Variants in ALK observed in about 807,000 individuals in gnomAD.
ALK encodes ALK tyrosine kinase receptor.
Under a neutral mutation model 163.1 loss-of-function variants are expected in ALK, and 74 were observed. The ratio of observed to expected loss-of-function variants is 0.45; its 90% confidence interval spans 0.38 to 0.55. The LOEUF (loss-of-function observed/expected upper bound fraction) is 0.55, where lower values mean the gene tolerates loss of function less well. Among genes scored for constraint, ALK ranks in the 20% least tolerant of loss-of-function variants. ALK has a pLI of 0.00. For synonymous variants in ALK, 960 were observed against 843.2 expected (o/e 1.14, Z -2.40); for missense variants, 2,063 against 2,105.3 (o/e 0.98, Z 0.39).
rs578164325 is a variant in ALK at position 29,235,230 on chromosome 2, T to G, written c.2356-1534A>C. 3.3e-5 allele frequency among the ~76,000 whole-genome samples: 5 copies of G among 152,326 alleles called. No homozygotes were observed. The South Asian group carries it at 1.0e-3, about 32-fold the overall frequency. On this transcript the variant is annotated intron_variant, in intron 13 of 28. Transcript: ENST00000389048. Reference sequence around the variant, plus strand: ...ACATCAGCCTGACCTTGGAGGAAAGTGACTTTTCTTTCACTTAATAGAAAA... The same window carrying G: ...ACATCAGCCTGACCTTGGAGGAAAGGGACTTTTCTTTCACTTAATAGAAAA...
chr2:29,511,284 C>T (rs1457964811), intron 4 of ALK, among the ~76,000 whole-genome samples: 1 of 152,060 alleles, frequency 6.6e-6, no homozygotes, highest in Non-Finnish European at 1.5e-5. Flanking sequence ...TGTCCCTTTG[C>T]AGTCAATCCT....
At position 29,239,733 on chromosome 2, in the gene ALK, C is replaced by T. The variant is rs766666105; in HGVS notation, c.2302G>A (p.Asp768Asn). 26 of 1,614,008 alleles carry T rather than the reference C, an allele frequency of 1.6e-5. No homozygotes were observed. Among genetic ancestry groups the T allele is most frequent in the Non-Finnish European group, 2.1e-5 (25 of 1,180,052 alleles). Reference protein sequence around the residue: ...SVLGIFNLEKDDMLYILVGQQ... With the variant: ...SVLGIFNLEKNDMLYILVGQQ... ...CCAACCAGGATGTACAGCATGTCATCCTTCTCCAGGTTGAAGATGCCCAGC... is the reference window on the plus strand; with the variant it reads ...CCAACCAGGATGTACAGCATGTCATTCTTCTCCAGGTTGAAGATGCCCAGC... The change falls in exon 13 of 29, where the codon GAT becomes AAT. Residue 768 changes from aspartate to asparagine, a missense_variant. Asp to Asn is a conservative substitution (Grantham distance 23, BLOSUM62 1). This residue lies in a region of ALK where 575 missense variants were observed against 626.6 expected (regional missense o/e 0.92). Transcript: ENST00000389048.
chr2:29,323,870 A>G (rs1667154569), intron 6 of ALK, among the ~76,000 whole-genome samples: 1 of 152,200 alleles, frequency 6.6e-6, no homozygotes, highest in East Asian at 1.9e-4. Flanking sequence ...GGAAGACTTC[A>G]AAACTTATTT....
At chr2:29,210,197 T>TCTAA (rs112002454) in intron 24 of ALK, among the ~76,000 whole-genome samples, 6,171 of 152,254 alleles carry the variant, frequency 0.041, 361 homozygotes, top group African/African-American at 0.13. Context: ...GTGCTTCATA[T>TCTAA]CTAACTCTCA....
intron 28 of ALK, 96 bp from the exon 29 acceptor site, chr2:29,194,018 C>A: frequency 8.2e-7 from 1 of 1,217,474 alleles, no homozygotes; most frequent in Non-Finnish European, 1.2e-6. Context: ...ACATATTCTA[C>A]AGATGAGGAA....
At chr2:29,895,903 T>C (rs1262913573) in intron 1 of ALK, among the ~76,000 whole-genome samples, 1 of 152,192 alleles carries the variant, frequency 6.6e-6, no homozygotes, top group Non-Finnish European at 1.5e-5. Context: ...CTACAGGTTA[T>C]GGGTCTGTGT....
intron 4 of ALK, among the ~76,000 whole-genome samples, chr2:29,439,322 T>A (rs1276471224): frequency 6.6e-6 from 1 of 152,196 alleles, no homozygotes; most frequent in East Asian, 1.9e-4. Context: ...AACGTGGGTA[T>A]AAACTCCTTA....
intron 4 of ALK, among the ~76,000 whole-genome samples, chr2:29,438,459 A>G (rs1163222726): frequency 6.6e-6 from 1 of 152,254 alleles, no homozygotes; most frequent in African/African-American, 2.4e-5. Flanking sequence ...ACCATGACAT[A>G]GGAAAAACCT....
intron 1 of ALK, among the ~76,000 whole-genome samples, chr2:29,914,928 T>C (rs1005986075): frequency 1.3e-5 from 2 of 152,258 alleles, no homozygotes; most frequent in Admixed American, 6.5e-5. Flanking sequence ...TGGAAAAATA[T>C]GGTCTGGATT....
Position 29,418,970 on chromosome 2 carries a change from T to G in ALK, c.1155-35111A>C, listed in dbSNP as rs956794546. The stretch of plus-strand genomic sequence containing the variant: ...GGGCTTTATAAGTGAGAGGGTATGG[T>G]AGAAATATAAAAAATACATAGTCTG... On this transcript the variant is annotated intron_variant, in intron 4 of 28. Coordinates refer to ENST00000389048, the MANE Select transcript of ALK (RefSeq NM_004304.5). Among the ~76,000 whole-genome samples, 7 of 151,582 alleles carry G rather than the reference T, an allele frequency of 4.6e-5. 1 individual carries two copies. The highest frequency in any genetic ancestry group is 1.7e-4 in the African/African-American group (7 of 40,870).
At chr2:29,253,883 GATAGATAGA>G (rs1558639937) in intron 11 of ALK, among the ~76,000 whole-genome samples, 2,758 of 148,422 alleles carry the variant, frequency 0.019, 90 homozygotes, top group African/African-American at 0.069. Context: ...TAGATAGATA[GATAGATAGA>G]TAGGTAGATA....
At chr2:29,848,564 T>C (rs901977330) in intron 1 of ALK, among the ~76,000 whole-genome samples, 1 of 152,244 alleles carries the variant, frequency 6.6e-6, no homozygotes, top group African/African-American at 2.4e-5. Flanking sequence ...AAAACCTTAA[T>C]AAATGTTAAT....
intron 4 of ALK, among the ~76,000 whole-genome samples, chr2:29,477,009 C>T (rs532813621): frequency 2.6e-5 from 4 of 152,086 alleles, no homozygotes; most frequent in South Asian, 2.1e-4. Context: ...AGAGTTGATG[C>T]GAAGGGGTGG....
chr2:29,524,757 A>G (rs1573428099), intron 4 of ALK, among the ~76,000 whole-genome samples: 1 of 152,120 alleles, frequency 6.6e-6, no homozygotes, highest in African/African-American at 2.4e-5. Flanking sequence ...GGATGGGTGG[A>G]TGGATGGATC....
At chr2:29,230,785 G>A (rs1319932597) in intron 15 of ALK, among the ~76,000 whole-genome samples, 1 of 152,208 alleles carries the variant, frequency 6.6e-6, no homozygotes, top group Admixed American at 6.5e-5. Context: ...TGTCAAGGCT[G>A]TTGTCATGTG....
chr2:29,567,919 C>G (rs1348161128), intron 3 of ALK, among the ~76,000 whole-genome samples: 1 of 152,166 alleles, frequency 6.6e-6, no homozygotes, highest in Non-Finnish European at 1.5e-5. Flanking sequence ...CTTGTGCCAT[C>G]TCTTGGAGGA....
chr2:29,218,771 T>C (rs1669706871), intron 23 of ALK, among the ~76,000 whole-genome samples: 1 of 152,242 alleles, frequency 6.6e-6, no homozygotes, highest in African/African-American at 2.4e-5. Context: ...TCCCAAAGTG[T>C]GATGCCACGT....
chr2:29,312,746 C>T (rs867875657), intron 8 of ALK, among the ~76,000 whole-genome samples: 15 of 152,168 alleles, frequency 9.9e-5, no homozygotes, highest in African/African-American at 3.1e-4. Context: ...CAGGAAGAGG[C>T]GTGTGCAGAG....
At chr2:29,242,175 C>T (rs1399658861) in intron 12 of ALK, among the ~76,000 whole-genome samples, 1 of 152,192 alleles carries the variant, frequency 6.6e-6, no homozygotes, top group Admixed American at 6.5e-5. Context: ...AGTCTAGGGA[C>T]AGCAGTGTGG....
Sources: allele counts gnomAD v4.1 joint callset (sites outside exome capture counted in the v4.1 genomes callset), GRCh38; gene constraint gnomAD v4.1.1; regional missense constraint gnomAD v4.1.1; transcripts MANE v1.5; gene names NCBI Gene and HGNC (gene_info 2026-07-23, HGNC 2026-07-21).